KIAA1671: variants seen among roughly 807,000 people sequenced by gnomAD.
KIAA1671 encodes the protein uncharacterized protein KIAA1671.
Under a neutral mutation model 131.2 loss-of-function variants are expected in KIAA1671, and 52 were observed. That is an observed-to-expected ratio of 0.40 (90% CI 0.32 to 0.50). The LOEUF is 0.50. KIAA1671 is among the 20% of genes least tolerant of loss of function. The probability of loss-of-function intolerance (pLI) is 0.73; values close to 1 mark genes in which losing one functional copy is unlikely to be tolerated. For synonymous variants in KIAA1671, 1,003 were observed against 961.6 expected (o/e 1.04, Z -0.80); for missense variants, 2,360 against 2,364.2 (o/e 1.00, Z 0.04).
intron 6 of KIAA1671, chr22:25,063,619 C>A (rs1034107886): frequency 6.6e-6 from 1 of 150,980 alleles, no homozygotes; most frequent in Non-Finnish European, 1.5e-5. Flanking sequence ...GCACACTGCT[C>A]GGGTGACGGG....
rs1926108366 is a variant in KIAA1671, at chr22:25,028,815, C to T, written c.816C>T (p.Pro272=). ...ATVGKVPPTP[P]EKTWVRKPRP... ...TGGGCAAAGTGCCACCCACCCCTCC[C>T]GAGAAGACGTGGGTGAGGAAGCCCA... The change falls in exon 3 of 13, where the codon CCC becomes CCT. Residue 272 remains proline (P), a synonymous_variant. Transcript: ENST00000358431. 4.5e-6 allele frequency: 7 copies of T among 1,550,902 alleles called. 1 individual carries two copies. Among genetic ancestry groups the T allele is most frequent in the East Asian group, 2.4e-5 (1 of 40,934 alleles).
chr22:24,970,036 T>G (rs1602033745), intron 1 of KIAA1671, among the ~76,000 whole-genome samples: 1 of 152,164 alleles, frequency 6.6e-6, no homozygotes, highest in East Asian at 1.9e-4. Flanking sequence ...CACAAAGCAC[T>G]CTGGGCAAAC....
At chr22:24,972,093 A>G (rs1184994601) in intron 1 of KIAA1671, among the ~76,000 whole-genome samples, 1 of 152,188 alleles carries the variant, frequency 6.6e-6, no homozygotes, top group East Asian at 1.9e-4. Flanking sequence ...TCCTAAAACC[A>G]TATAGGATCA....
chr22:24,977,832 A>G (rs529227392), intron 1 of KIAA1671, among the ~76,000 whole-genome samples: 1 of 152,170 alleles, frequency 6.6e-6, no homozygotes, highest in Admixed American at 6.5e-5. Context: ...GCTTCCCCAC[A>G]TTCGGCACCG....
intron 6 of KIAA1671, among the ~76,000 whole-genome samples, chr22:25,087,171 C>T (rs954811411): frequency 3.0e-5 from 4 of 134,316 alleles, no homozygotes; most frequent in Non-Finnish European, 6.3e-5. Context: ...CCGCCGCTGC[C>T]TCCGGGATCT....
At chr22:25,034,460 CTT>C (rs1220024720) in intron 4 of KIAA1671, among the ~76,000 whole-genome samples, 21 of 145,764 alleles carry the variant, frequency 1.4e-4, no homozygotes, top group African/African-American at 4.5e-4. Context: ...AATCAGTCCT[CTT>C]TTTTTTTTTG....
chr22:25,089,525 C>T (rs1032274468), intron 6 of KIAA1671, among the ~76,000 whole-genome samples: 1 of 152,060 alleles, frequency 6.6e-6, no homozygotes, highest in African/African-American at 2.4e-5. Flanking sequence ...CCACCCGCCT[C>T]AGCCTCTCAA....
intron 1 of KIAA1671, among the ~76,000 whole-genome samples, chr22:25,016,082 G>A (rs897305508): frequency 1.3e-5 from 2 of 150,388 alleles, no homozygotes; most frequent in East Asian, 2.0e-4. Flanking sequence ...GTGCAATGGT[G>A]TGATCTCGGC....
chr22:25,017,593 A>C (rs1200503429), intron 1 of KIAA1671, among the ~76,000 whole-genome samples: 2 of 152,218 alleles, frequency 1.3e-5, no homozygotes, highest in East Asian at 3.8e-4. Context: ...ACTAAATGCC[A>C]CTGCATTGTG....
intron 6 of KIAA1671, among the ~76,000 whole-genome samples, chr22:25,146,920 C>T (rs1197090332): frequency 6.6e-6 from 1 of 152,128 alleles, no homozygotes; most frequent in Admixed American, 6.5e-5. Context: ...CTTTCATCTC[C>T]CCTGGAGCTT....
chr22:25,188,971 T>C (rs546443259), intron 11 of KIAA1671, among the ~76,000 whole-genome samples: 114 of 152,154 alleles, frequency 7.5e-4, no homozygotes, highest in Admixed American at 1.4e-3. Context: ...TAGACACACG[T>C]ATGTATGTAT....
intron 1 of KIAA1671, among the ~76,000 whole-genome samples, chr22:25,015,249 G>GGCA (rs903069228): frequency 1.7e-4 from 23 of 137,238 alleles, no homozygotes; most frequent in African/African-American, 4.5e-4. Context: ...AAAAAAAAAA[G>GGCA]GCAGCAGCAG....
At chr22:24,988,235 G>A (rs548128366) in intron 1 of KIAA1671, among the ~76,000 whole-genome samples, 10 of 143,236 alleles carry the variant, frequency 7.0e-5, no homozygotes, top group Non-Finnish European at 1.1e-4. Context: ...AGCCGAGATC[G>A]CGCCATTGCA....
At chr22:25,099,250 C>T (rs1459722744) in intron 6 of KIAA1671, among the ~76,000 whole-genome samples, 2 of 152,054 alleles carry the variant, frequency 1.3e-5, no homozygotes, top group Admixed American at 6.5e-5. Flanking sequence ...AGAAGGGTAC[C>T]GTTTTTCTCC....
chr22:25,095,729 C>A (rs73399808), intron 6 of KIAA1671, among the ~76,000 whole-genome samples: 283 of 152,224 alleles, frequency 1.9e-3, no homozygotes, highest in African/African-American at 6.6e-3. Context: ...ACTGCTAAGC[C>A]CCCCTAGATT....
chr22:25,022,261 T>G (rs1478225279), intron 1 of KIAA1671, among the ~76,000 whole-genome samples: 1 of 152,198 alleles, frequency 6.6e-6, no homozygotes, highest in African/African-American at 2.4e-5. Context: ...AGATCGAATT[T>G]AAGGGTGTAA....
At chr22:24,974,043 C>T (rs1254514969) in intron 1 of KIAA1671, among the ~76,000 whole-genome samples, 5 of 152,174 alleles carry the variant, frequency 3.3e-5, no homozygotes, top group Admixed American at 2.6e-4. Flanking sequence ...CTTTCACCAG[C>T]TCTGGGAGGC....
intron 6 of KIAA1671, among the ~76,000 whole-genome samples, chr22:25,155,430 T>G (rs114512003): frequency 0.081 from 12,266 of 151,890 alleles, 1,505 homozygotes; most frequent in African/African-American, 0.27. Context: ...TATGTGTGTG[T>G]GGGGGGGTTT....
At chr22:25,162,617 A>G (rs1933484260) in intron 6 of KIAA1671, among the ~76,000 whole-genome samples, 1 of 152,220 alleles carries the variant, frequency 6.6e-6, no homozygotes, top group South Asian at 2.1e-4. Context: ...TTATTCCACA[A>G]CTACTAGAGG....
Sources: allele counts gnomAD v4.1 joint callset (sites outside exome capture counted in the v4.1 genomes callset), GRCh38; gene constraint gnomAD v4.1.1; transcripts MANE v1.5; gene names NCBI Gene and HGNC (gene_info 2026-07-23, HGNC 2026-07-21).